Variants in RBPMS observed in about 807,000 individuals in gnomAD.
The protein encoded by RBPMS is RNA binding protein, mRNA processing factor, also known as RNA-binding protein with multiple splicing.
Under a neutral mutation model 26.8 loss-of-function variants are expected in RBPMS, and 7 were observed. That is an observed-to-expected ratio of 0.26 (90% CI 0.15 to 0.49). RBPMS has a LOEUF of 0.49. Ranked by LOEUF, RBPMS falls within the 20% of genes least tolerant of loss-of-function variation. The pLI, the probability that RBPMS is intolerant of heterozygous loss-of-function variation, is 0.98. For synonymous variants in RBPMS, 96 were observed against 93.3 expected, an observed-to-expected ratio of 1.03 and a Z score of -0.17; for missense variants, 186 against 250.0, an observed-to-expected ratio of 0.74 and a Z score of 1.73.
At chr8:30,385,595 T>A (rs1806958594) in intron 1 of RBPMS, among the ~76,000 whole-genome samples, 1 of 152,058 alleles carries the variant, frequency 6.6e-6, no homozygotes, top group Non-Finnish European at 1.5e-5. Flanking sequence ...CTCTATTCCC[T>A]GCCCCCTCCC....
intron 1 of RBPMS, among the ~76,000 whole-genome samples, chr8:30,435,020 C>T (rs1406206701): frequency 6.6e-6 from 1 of 151,996 alleles, no homozygotes; most frequent in Non-Finnish European, 1.5e-5. Context: ...ATCCATCCAT[C>T]CATCCATCCA....
intron 6 of RBPMS, chr8:30,556,260 C>T (rs1826899760): frequency 1.0e-6 from 1 of 985,330 alleles, no homozygotes; most frequent in South Asian, 4.7e-5. Flanking sequence ...GCACAGCCTC[C>T]CCTGGACCCC....
In RBPMS at chr8:30,434,996, ACATCCATC is replaced by A. The variant is rs113850134; in HGVS notation, c.67-39745_67-39738del. On this transcript the variant is annotated intron_variant, in intron 1 of 8. Coordinates refer to ENST00000397323, the MANE Select transcript of RBPMS (RefSeq NM_001008710.3). ...TCTGAAGGATGAACTTCCAAAGAAG[ACATCCATC>A]CATCCATCCATCCATCCATCCATCC... Among the ~76,000 whole-genome samples the A allele has an allele frequency of 7.4e-3, 1,107 of 150,500 alleles. 18 individuals carry two copies. The highest frequency in any genetic ancestry group is 0.025 in the African/African-American group (1,022 of 40,522).
At chr8:30,413,049 A>G (rs576729077) in intron 1 of RBPMS, among the ~76,000 whole-genome samples, 321 of 152,322 alleles carry the variant, frequency 2.1e-3, no homozygotes, top group Non-Finnish European at 3.5e-3. Flanking sequence ...TTTTTTAAGC[A>G]GGCTGGACTT....
chr8:30,531,270 G>C (rs956958106), intron 5 of RBPMS, among the ~76,000 whole-genome samples: 1 of 152,130 alleles, frequency 6.6e-6, no homozygotes, highest in Non-Finnish European at 1.5e-5. Flanking sequence ...GCTTTAGGGA[G>C]GGAAGAAACC....
intron 1 of RBPMS, among the ~76,000 whole-genome samples, chr8:30,418,898 G>A (rs754470468): frequency 1.3e-5 from 2 of 151,910 alleles, no homozygotes; most frequent in African/African-American, 4.8e-5. Context: ...CATGAGTACC[G>A]CTCCTGGCCT....
At position 30,443,819 on chromosome 8, in the gene RBPMS, T is replaced by C. The variant is rs1256072612; in HGVS notation, c.67-30960T>C. On this transcript the variant is annotated intron_variant, in intron 1 of 8. Transcript: ENST00000397323. The stretch of plus-strand genomic sequence containing the variant: ...ACCGCGTTGGCCGGGATGGTCTCCA[T>C]CTCTTGACCTTGTGATCTGCCCGCC... Among the ~76,000 whole-genome samples the C allele has an allele frequency of 2.6e-5, 4 of 152,072 alleles. No individual in the cohort carries two copies. The East Asian group carries it at 7.7e-4, about 29-fold the overall frequency.
chr8:30,487,057 T>C (rs1818866505), intron 4 of RBPMS, among the ~76,000 whole-genome samples: 1 of 152,194 alleles, frequency 6.6e-6, no homozygotes, highest in Non-Finnish European at 1.5e-5. Context: ...AGTTAGTGTT[T>C]GTGGAACATG....
intron 4 of RBPMS, among the ~76,000 whole-genome samples, chr8:30,493,203 A>C (rs1055020101): frequency 4.6e-5 from 7 of 152,190 alleles, no homozygotes; most frequent in Non-Finnish European, 1.0e-4. Context: ...GGTTTTCCCC[A>C]AATCACCCCA....
intron 1 of RBPMS, among the ~76,000 whole-genome samples, chr8:30,428,828 T>A (rs1413837365): frequency 6.6e-6 from 1 of 152,116 alleles, no homozygotes; most frequent in Non-Finnish European, 1.5e-5. Context: ...TTTAATGGTA[T>A]GATTTAAATG....
chr8:30,569,026 G>A (rs1052690422), intron 8 of RBPMS, among the ~76,000 whole-genome samples: 1 of 151,728 alleles, frequency 6.6e-6, no homozygotes, highest in Non-Finnish European at 1.5e-5. Flanking sequence ...TCAGGGGCTG[G>A]GGCATTGGGA....
chr8:30,562,006 G>A (rs1345872195), intron 7 of RBPMS: 28 of 985,244 alleles, frequency 2.8e-5, no homozygotes, highest in Non-Finnish European at 3.1e-5. Flanking sequence ...ACGGCTAATA[G>A]AAGCCCTAGA....
At chr8:30,479,439 C>T in intron 4 of RBPMS, 62 bp downstream of exon 4, 1 of 1,195,884 alleles carries the variant, frequency 8.4e-7, no homozygotes, top group Non-Finnish European at 1.2e-6. Flanking sequence ...GTAATGGAAT[C>T]TCTTTGGACG....
At position 30,542,418 on chromosome 8, in the gene RBPMS, TAA is replaced by T. The variant is rs1196522242; in HGVS notation, c.398-2073_398-2072del. Among the ~76,000 whole-genome samples, 4 of 152,196 alleles carry T rather than the reference TAA, an allele frequency of 2.6e-5. No homozygotes were observed. In the South Asian group the frequency reaches 6.2e-4, roughly 24 times the overall value. The stretch of plus-strand genomic sequence containing the variant: ...TTAAAGGACATACTCATTTCATTTT[TAA>T]AAGTTTCTAAAGGAAGGACCTACTG... On this transcript the variant is annotated intron_variant, in intron 5 of 8. Coordinates refer to ENST00000397323, the MANE Select transcript of RBPMS (RefSeq NM_001008710.3).
intron 6 of RBPMS, chr8:30,556,241 C>A (rs117078304): frequency 2.2e-3 from 2,135 of 985,448 alleles, no homozygotes; most frequent in Non-Finnish European, 2.3e-3. Flanking sequence ...GTCCTCACTC[C>A]TCAGCTGAGC....
At chr8:30,519,456 CTCTTTTTTTTTTTTTT>C (rs1563403584) in intron 5 of RBPMS, among the ~76,000 whole-genome samples, 9 of 116,492 alleles carry the variant, frequency 7.7e-5, no homozygotes, top group African/African-American at 3.3e-4. Context: ...GAGGATCTCT[CTCTTTTTTTTTTTTTT>C]TTTTTTTTTT....
At chr8:30,525,691 G>A (rs1026839544) in intron 5 of RBPMS, among the ~76,000 whole-genome samples, 2 of 152,232 alleles carry the variant, frequency 1.3e-5, no homozygotes, top group African/African-American at 4.8e-5. Flanking sequence ...GAGATTGGAA[G>A]CTGCTTGCGG....
chr8:30,428,066 C>G (rs942408571), intron 1 of RBPMS, among the ~76,000 whole-genome samples: 8 of 144,950 alleles, frequency 5.5e-5, no homozygotes, highest in African/African-American at 2.0e-4. Context: ...ACTCTGTCAC[C>G]AGGCTGGAAT....
chr8:30,507,776 G>A (rs1821217652), intron 5 of RBPMS, among the ~76,000 whole-genome samples: 1 of 152,208 alleles, frequency 6.6e-6, no homozygotes, highest in South Asian at 2.1e-4. Context: ...CTTTGGAGGT[G>A]AAGAAAGAGT....
Sources: allele counts gnomAD v4.1 joint callset (sites outside exome capture counted in the v4.1 genomes callset), GRCh38; gene constraint gnomAD v4.1.1; transcripts MANE v1.5; gene names NCBI Gene and HGNC (gene_info 2026-07-23, HGNC 2026-07-21).